Variants in ADIPOR2 observed in about 807,000 individuals in gnomAD.
ADIPOR2 encodes the protein adiponectin receptor 2, also known as adiponectin receptor protein 2.
A neutral mutation model predicts 40.9 loss-of-function variants in ADIPOR2; 18 were observed. The ratio of observed to expected loss-of-function variants is 0.44; its 90% CI spans 0.30 to 0.65. The LOEUF (loss-of-function observed/expected upper bound fraction) is 0.65, where lower values mean the gene tolerates loss of function less well. ADIPOR2 is among the 30% of genes least tolerant of loss of function. The pLI is 0.09. For synonymous variants in ADIPOR2, 165 were observed against 166.4 expected, an observed-to-expected ratio of 0.99 and a Z score of 0.06; for missense variants, 283 against 479.2, an observed-to-expected ratio of 0.59 and a Z score of 3.82.
At chr12:1,698,717 C>G (rs908099351) in intron 1 of ADIPOR2, among the ~76,000 whole-genome samples, 1 of 152,056 alleles carries the variant, frequency 6.6e-6, no homozygotes, top group Non-Finnish European at 1.5e-5. Flanking sequence ...TTATTGCAAG[C>G]TAATTCCCCT....
chr12:1,698,141 T>C (rs2094642997), intron 1 of ADIPOR2: 1 of 152,350 alleles, frequency 6.6e-6, no homozygotes, highest in Non-Finnish European at 1.5e-5. Context: ...AGCTGTGGCG[T>C]TGTACTTCTG....
intron 1 of ADIPOR2, among the ~76,000 whole-genome samples, chr12:1,715,691 G>A (rs770003768): frequency 1.1e-4 from 16 of 152,176 alleles, no homozygotes; most frequent in Non-Finnish European, 2.1e-4. Context: ...TGTTTAGAGG[G>A]GGGATTGAGA....
intron 1 of ADIPOR2, among the ~76,000 whole-genome samples, chr12:1,731,426 G>A (rs1225955655): frequency 6.6e-6 from 1 of 152,132 alleles, no homozygotes; most frequent in Admixed American, 6.5e-5. Context: ...TATTCACAAT[G>A]TTGTACAATC....
chr12:1,723,635 A>G (rs1277637224), intron 1 of ADIPOR2, among the ~76,000 whole-genome samples: 1 of 150,962 alleles, frequency 6.6e-6, no homozygotes, highest in Non-Finnish European at 1.5e-5. Context: ...GCAAGACTCC[A>G]TCTCAAAAAC....
At chr12:1,723,187 G>C (rs2094701099) in intron 1 of ADIPOR2, among the ~76,000 whole-genome samples, 1 of 152,124 alleles carries the variant, frequency 6.6e-6, no homozygotes, top group African/African-American at 2.4e-5. Flanking sequence ...CATAGAACCT[G>C]TCAAAGCTAT....
chr12:1,740,070 C>T (rs1378017313), intron 1 of ADIPOR2, among the ~76,000 whole-genome samples: 1 of 152,086 alleles, frequency 6.6e-6, no homozygotes, highest in African/African-American at 2.4e-5. Flanking sequence ...TCGTTGTACT[C>T]CAGCCTGGGC....
intron 1 of ADIPOR2, among the ~76,000 whole-genome samples, chr12:1,743,876 A>G (rs920031942): frequency 5.3e-5 from 8 of 152,174 alleles, no homozygotes; most frequent in Non-Finnish European, 8.8e-5. Flanking sequence ...TTTTTATTAC[A>G]TTAAAAAACA....
At chr12:1,759,069 A>T (rs1367860561) in intron 2 of ADIPOR2, among the ~76,000 whole-genome samples, 1 of 130,022 alleles carries the variant, frequency 7.7e-6, no homozygotes. Context: ...TGAATTCCAA[A>T]CTCAGTCCCT....
Position 1,698,294 on chromosome 12 carries a change from A to G in ADIPOR2, c.-87+7103A>G, listed in dbSNP as rs576309413. Reference sequence around the variant, plus strand: ...GCTCTGTCACCCAGGCTGGAGTGCCATGGCACAATCACGGCTCACTGCCCT... The same window carrying G: ...GCTCTGTCACCCAGGCTGGAGTGCCGTGGCACAATCACGGCTCACTGCCCT... On this transcript the variant is annotated intron_variant, in intron 1 of 7. Transcript: ENST00000357103. 2.6e-5 allele frequency among the ~76,000 whole-genome samples: 4 copies of G among 152,044 alleles called. No homozygotes were observed. The East Asian group carries it at 5.8e-4, about 22-fold the overall frequency.
In ADIPOR2 at chr12:1,786,137, C is replaced by T. The variant is rs1411266497; in HGVS notation, c.*65C>T. The T allele has an allele frequency of 1.3e-6, 2 of 1,570,400 alleles. No homozygotes were observed. Among genetic ancestry groups the T allele is most frequent in the Non-Finnish European group, 1.7e-6 (2 of 1,160,068 alleles). ...CCTGCGGCACTTGCGGGCCTCCCTG[C>T]TGGCTACTGATGCCAGTACCAGAGG... On this transcript the variant is annotated 3_prime_UTR_variant, in exon 8 of 8. Transcript: ENST00000357103.
At chr12:1,753,774 A>G (rs1862054149) in intron 1 of ADIPOR2, among the ~76,000 whole-genome samples, 1 of 152,094 alleles carries the variant, frequency 6.6e-6, no homozygotes, top group Non-Finnish European at 1.5e-5. Flanking sequence ...GCCCAGTTAT[A>G]ATATATAAAC....
chr12:1,702,865 T>G (rs150568867), intron 1 of ADIPOR2: 1 of 152,344 alleles, frequency 6.6e-6, no homozygotes, highest in South Asian at 2.1e-4. Flanking sequence ...CATTAACAAG[T>G]TTGTTACTTC....
intron 1 of ADIPOR2, chr12:1,697,255 CTTT>C (rs1407998378): frequency 6.6e-6 from 1 of 152,138 alleles, no homozygotes; most frequent in Non-Finnish European, 1.5e-5. Flanking sequence ...GTTTTTTCTT[CTTT>C]TGTTTCCTGG....
chr12:1,744,489 C>T lies in ADIPOR2; in HGVS notation c.-86-9769C>T, dbSNP rs1286395999. On this transcript the variant is annotated intron_variant, in intron 1 of 7. Transcript: ENST00000357103. ...TAGTTGGAACTATAGGCGCGTACCG[C>T]CATGACCGGCTAATTTTTGTATTTT... Among the ~76,000 whole-genome samples, 4 of 151,978 alleles carry T rather than the reference C, an allele frequency of 2.6e-5. No individual in the cohort carries two copies. The South Asian group carries it at 8.3e-4, about 32-fold the overall frequency.
At chr12:1,696,312 C>A in intron 1 of ADIPOR2, 1 of 167,142 alleles carries the variant, frequency 6.0e-6, no homozygotes, top group Admixed American at 6.1e-5. Context: ...ACCAGCAGCA[C>A]CCTCCTCCTC....
At chr12:1,781,602 C>G (rs942722970) in intron 6 of ADIPOR2, among the ~76,000 whole-genome samples, 5 of 152,030 alleles carry the variant, frequency 3.3e-5, no homozygotes, top group African/African-American at 1.2e-4. Context: ...TAGGATAATG[C>G]CTGTTTAGCT....
At chr12:1,764,586 C>CAT (rs1168537876) in intron 2 of ADIPOR2, among the ~76,000 whole-genome samples, 2 of 117,048 alleles carry the variant, frequency 1.7e-5, no homozygotes, top group African/African-American at 2.9e-5. Context: ...CACACACACA[C>CAT]ACACGTAGAT....
At chr12:1,774,821 C>T (rs185007995) in intron 3 of ADIPOR2, among the ~76,000 whole-genome samples, 4 of 152,378 alleles carry the variant, frequency 2.6e-5, no homozygotes, top group Admixed American at 2.0e-4. Flanking sequence ...TCTCCTGCCT[C>T]AGCCTCCCAA....
In ADIPOR2 at chr12:1,786,057, A is replaced by G; in HGVS notation, c.1146A>G (p.Glu382=). 1 of 1,613,938 alleles carries G rather than the reference A, an allele frequency of 6.2e-7. No individual in the cohort carries two copies. Among genetic ancestry groups the G allele is most frequent in the Non-Finnish European group, 8.5e-7 (1 of 1,179,984 alleles). The part of the protein sequence containing the change: ...FRFMIGGGCS[E]EDAL ...TCATGATCGGCGGGGGCTGCAGTGA[A>G]GAGGATGCACTGTGATACCTACCAG... The change falls in exon 8 of 8, where the codon GAA becomes GAG. Residue 382 remains glutamate, a synonymous_variant. Transcript: ENST00000357103.
Sources: allele counts gnomAD v4.1 joint callset (sites outside exome capture counted in the v4.1 genomes callset), GRCh38; gene constraint gnomAD v4.1.1; transcripts MANE v1.5; gene names NCBI Gene and HGNC (gene_info 2026-07-23, HGNC 2026-07-21).